Variants in MYT1L observed in about 807,000 individuals in gnomAD.
MYT1L encodes the protein myelin transcription factor 1-like protein.
MYT1L carries 12 observed loss-of-function variants against 126.7 expected under a neutral mutation model. That is an observed-to-expected ratio of 0.09 (90% confidence interval 0.06 to 0.15). MYT1L has a LOEUF of 0.15. Among genes scored for constraint, MYT1L ranks in the 10% least tolerant of loss-of-function variants. The pLI, the probability that MYT1L is intolerant of heterozygous loss-of-function variation, is 1.00. For missense variants in MYT1L, 979 were observed against 1,585.2 expected (o/e 0.62, Z 6.49); for synonymous variants, 541 against 604.2 (o/e 0.90, Z 1.53).
At chr2:1,818,513 C>A (rs2038034667) in intron 21 of MYT1L, among the ~76,000 whole-genome samples, 1 of 152,178 alleles carries the variant, frequency 6.6e-6, no homozygotes, top group Non-Finnish European at 1.5e-5. Context: ...CAGGTGTACA[C>A]TGTTACTGTG....
chr2:1,936,246 T>C (rs1360027028), intron 9 of MYT1L, among the ~76,000 whole-genome samples: 1 of 152,262 alleles, frequency 6.6e-6, no homozygotes, highest in African/African-American at 2.4e-5. Context: ...TAAATGTACA[T>C]GGCATGATAT....
intron 2 of MYT1L, among the ~76,000 whole-genome samples, chr2:2,206,607 C>T (rs990863622): frequency 1.3e-5 from 2 of 152,160 alleles, no homozygotes; most frequent in Non-Finnish European, 2.9e-5. Flanking sequence ...GAAATTAAAA[C>T]ATGGAAATGC....
intron 4 of MYT1L, among the ~76,000 whole-genome samples, chr2:2,039,669 G>A (rs2067306289): frequency 6.6e-6 from 1 of 152,210 alleles, no homozygotes; most frequent in Non-Finnish European, 1.5e-5. Context: ...AACTTTAACA[G>A]AAGACTGGTG....
intron 2 of MYT1L, among the ~76,000 whole-genome samples, chr2:2,201,804 G>A (rs1244816912): frequency 6.6e-6 from 1 of 151,978 alleles, no homozygotes; most frequent in African/African-American, 2.4e-5. Flanking sequence ...TTAACTTCTG[G>A]GTTTTCAAAA....
chr2:2,058,448 C>T (rs1351094928), intron 3 of MYT1L, among the ~76,000 whole-genome samples: 3 of 152,122 alleles, frequency 2.0e-5, no homozygotes, highest in African/African-American at 7.2e-5. Flanking sequence ...ATCAATTTTC[C>T]CTTGTGGATT....
rs114531590 is a variant in MYT1L, at chr2:2,126,569, G to T, written c.-304+46303C>A. ...CTGAGGCAGTCAACACAAGTGTTCT[G>T]ATCAGAGGAACCAATCCAGAGAGGG... On this transcript the variant is annotated intron_variant, in intron 3 of 24. Transcript: ENST00000647738. Among the ~76,000 whole-genome samples the T allele has an allele frequency of 7.8e-3, 1,195 of 152,274 alleles. 4 individuals carry two copies. Among genetic ancestry groups the T allele is most frequent in the South Asian group, 0.023 (111 of 4,816 alleles).
rs186279470 is a variant in MYT1L, at chr2:2,019,892, C to T, written c.-157-22545G>A. 5.3e-5 allele frequency among the ~76,000 whole-genome samples: 8 copies of T among 152,240 alleles called. No homozygotes were observed. In the East Asian group the frequency reaches 1.5e-3, roughly 29 times the overall value. The stretch of plus-strand genomic sequence containing the variant: ...GATATGGTATGCTCTGTCACCCAGG[C>T]TGGAGTGCAGTAGCAGATCTCAGCT... On this transcript the variant is annotated intron_variant, in intron 4 of 24. Coordinates refer to ENST00000647738, the MANE Select transcript of MYT1L (RefSeq NM_001303052.2).
At chr2:1,948,696 C>CCCAGCACTGTGTCCTCAT (rs57753534) in intron 8 of MYT1L, among the ~76,000 whole-genome samples, 1 of 151,846 alleles carries the variant, frequency 6.6e-6, no homozygotes, top group African/African-American at 2.4e-5. Context: ...AAGGGCTCAG[C>CCCAGCACTGTGTCCTCAT]CCAGGACCTC....
At chr2:1,899,513 G>A (rs2050062497) in intron 14 of MYT1L, among the ~76,000 whole-genome samples, 2 of 152,324 alleles carry the variant, frequency 1.3e-5, no homozygotes, top group South Asian at 2.1e-4. Context: ...CCTCCCCTCA[G>A]CCCCTCTGTC....
chr2:1,847,036 C>A (rs2042591764), intron 19 of MYT1L, among the ~76,000 whole-genome samples: 1 of 152,174 alleles, frequency 6.6e-6, no homozygotes, highest in African/African-American at 2.4e-5. Flanking sequence ...AAAGTCCCCA[C>A]AGCACACTGG....
At chr2:2,179,039 T>C (rs1412959091) in intron 2 of MYT1L, among the ~76,000 whole-genome samples, 5 of 152,194 alleles carry the variant, frequency 3.3e-5, no homozygotes, top group Non-Finnish European at 5.9e-5. Context: ...GGTTCTGCCA[T>C]TCACATCTTA....
rs1483485172 is a variant in MYT1L, at chr2:1,889,136, G to A, written c.2520+105C>T. 1.1e-5 allele frequency: 9 copies of A among 849,142 alleles called. No individual in the cohort carries two copies. Among genetic ancestry groups the A allele is most frequent in the Non-Finnish European group, 1.6e-5 (9 of 554,916 alleles). 52.6% of individuals were successfully genotyped at this position (849,142 alleles called of 1,614,324 possible). On this transcript the variant is annotated intron_variant, in intron 16 of 24. Transcript: ENST00000647738. The surrounding 1 kb of genome is among the most constrained non-coding windows in gnomAD (Gnocchi z 4.1). ...TCCTCAGCTAAAGGTCATATTTAAA[G>A]AGAAAATATATTTTCTCATAACGTA...
At chr2:2,084,491 A>G (rs920397604) in intron 3 of MYT1L, among the ~76,000 whole-genome samples, 19 of 152,162 alleles carry the variant, frequency 1.2e-4, no homozygotes, top group African/African-American at 3.9e-4. Context: ...GTTTGCTTTG[A>G]CTGGCCCTGG....
intron 2 of MYT1L, among the ~76,000 whole-genome samples, chr2:2,278,289 G>A (rs1485125454): frequency 6.6e-6 from 1 of 152,164 alleles, no homozygotes; most frequent in Non-Finnish European, 1.5e-5. Flanking sequence ...AAATGAAACT[G>A]AGAGGCAGAG....
intron 8 of MYT1L, among the ~76,000 whole-genome samples, chr2:1,969,463 C>G (rs1182348315): frequency 6.6e-6 from 1 of 152,224 alleles, no homozygotes; most frequent in Non-Finnish European, 1.5e-5. Flanking sequence ...AATCAACCCT[C>G]TGGAGGGGTG....
At chr2:2,290,473 A>G (rs911580037) in intron 1 of MYT1L, among the ~76,000 whole-genome samples, 3 of 152,214 alleles carry the variant, frequency 2.0e-5, no homozygotes, top group African/African-American at 4.8e-5. Flanking sequence ...TAATTAAAGG[A>G]CTTACATTTT....
chr2:1,957,582 A>G (rs1383117009), intron 8 of MYT1L, among the ~76,000 whole-genome samples: 1 of 149,820 alleles, frequency 6.7e-6, no homozygotes, highest in Non-Finnish European at 1.5e-5. Flanking sequence ...ATCACCTATC[A>G]TCCATCTATC....
chr2:1,924,531 T>G (rs2053973854), intron 9 of MYT1L, among the ~76,000 whole-genome samples: 1 of 152,282 alleles, frequency 6.6e-6, no homozygotes, highest in South Asian at 2.1e-4. Flanking sequence ...GGCTCTGGTG[T>G]TTTCTCTATG....
chr2:1,926,837 C>T (rs2054294620), intron 9 of MYT1L, among the ~76,000 whole-genome samples: 1 of 152,174 alleles, frequency 6.6e-6, no homozygotes, highest in African/African-American at 2.4e-5. Flanking sequence ...CTGAGCCTGG[C>T]CTCCATTTTA....
Sources: allele counts gnomAD v4.1 joint callset (sites outside exome capture counted in the v4.1 genomes callset), GRCh38; gene constraint gnomAD v4.1.1; non-coding constraint Gnocchi (gnomAD v3.1); transcripts MANE v1.5; gene names NCBI Gene and HGNC (gene_info 2026-07-23, HGNC 2026-07-21).